ACBD6: variants seen among roughly 807,000 people sequenced by gnomAD.
ACBD6 encodes the protein acyl-CoA binding domain containing 6.
A neutral mutation model predicts 37.2 loss-of-function variants in ACBD6; 28 were observed. That is an observed-to-expected ratio of 0.75 (90% confidence interval 0.56 to 1.03). ACBD6 has a LOEUF of 1.03. Among genes scored for constraint, ACBD6 ranks in the 50% least tolerant of loss-of-function variants. The probability of loss-of-function intolerance (pLI) is 0.00; values close to 1 mark genes in which losing one functional copy is unlikely to be tolerated. For missense variants in ACBD6, 340 were observed against 337.4 expected (o/e 1.01, Z -0.06); for synonymous variants, 113 against 126.8 (o/e 0.89, Z 0.73).
intron 5 of ACBD6, among the ~76,000 whole-genome samples, chr1:180,412,606 C>T (rs1036082428): frequency 2.0e-5 from 3 of 152,102 alleles, no homozygotes; most frequent in African/African-American, 7.2e-5. Context: ...TGGCTCATGC[C>T]TATAATCCCA....
At chr1:180,387,454 G>C (rs1023690168) in intron 6 of ACBD6, among the ~76,000 whole-genome samples, 4 of 152,196 alleles carry the variant, frequency 2.6e-5, no homozygotes, top group Admixed American at 6.5e-5. Context: ...ACGACAGAAG[G>C]GGAGTATCAT....
intron 3 of ACBD6, among the ~76,000 whole-genome samples, chr1:180,487,234 C>T (rs974754615): frequency 1.3e-5 from 2 of 152,090 alleles, no homozygotes; most frequent in Admixed American, 6.6e-5. Context: ...TGATTTTGAT[C>T]ATTATAGTAT....
chr1:180,283,919 T>C (rs1464048148), downstream of ACBD6, among the ~76,000 whole-genome samples: 2 of 151,814 alleles, frequency 1.3e-5, no homozygotes, highest in African/African-American at 4.9e-5. Context: ...CATTCCAAAA[T>C]TAAAAAAAAC....
chr1:180,397,467 G>A (rs768456128), intron 6 of ACBD6, 49 bp downstream of exon 6: 13 of 1,497,450 alleles, frequency 8.7e-6, no homozygotes, highest in South Asian at 2.3e-5. Context: ...TATGTTATGC[G>A]AATTATACTT....
chr1:180,344,232 A>G (rs1016063027), intron 6 of ACBD6, among the ~76,000 whole-genome samples: 3 of 152,224 alleles, frequency 2.0e-5, no homozygotes, highest in African/African-American at 7.2e-5. Flanking sequence ...TAGCAACAGT[A>G]GCAGGCAGCA....
intron 3 of ACBD6, among the ~76,000 whole-genome samples, chr1:180,456,209 T>G (rs1649917328): frequency 8.1e-6 from 1 of 123,418 alleles, no homozygotes; most frequent in East Asian, 2.3e-4. Flanking sequence ...GAGACACCAT[T>G]TCAAAAAAAA....
At position 180,479,030 on chromosome 1, in the gene ACBD6, C is replaced by T. The variant is rs966986866; in HGVS notation, c.384+13239G>A. Among the ~76,000 whole-genome samples, 11 of 152,166 alleles carry T rather than the reference C, an allele frequency of 7.2e-5. No homozygotes were observed. The South Asian group carries it at 1.2e-3, about 17-fold the overall frequency. ...CACCTGTAGTCCCAGCTACTCAGGA[C>T]GCCAAGGTGGGAAGATCACTTGAGC... On this transcript the variant is annotated intron_variant, in intron 3 of 7. Coordinates refer to ENST00000367595, the MANE Select transcript of ACBD6 (RefSeq NM_032360.4).
At chr1:180,386,005 A>G (rs1653833946) in intron 6 of ACBD6, among the ~76,000 whole-genome samples, 1 of 152,148 alleles carries the variant, frequency 6.6e-6, no homozygotes, top group African/African-American at 2.4e-5. Context: ...CCCTGTCTCT[A>G]CTAAAAATAC....
chr1:180,488,455 T>C (rs1223223219), intron 3 of ACBD6, among the ~76,000 whole-genome samples: 1 of 152,218 alleles, frequency 6.6e-6, no homozygotes, highest in African/African-American at 2.4e-5. Context: ...ATACATACAC[T>C]TAAGTTTATA....
chr1:180,309,411 A>T lies in ACBD6; in HGVS notation c.694+5281T>A, dbSNP rs555387072. On this transcript the variant is annotated intron_variant, in intron 7 of 7. Coordinates refer to ENST00000367595, the MANE Select transcript of ACBD6 (RefSeq NM_032360.4). ...ATTCACTCCTAATGGTTAACTAGGG[A>T]TGACAGAGTGACTCATCTAAATTCT... Among the ~76,000 whole-genome samples, 4 of 152,336 alleles carry T rather than the reference A, an allele frequency of 2.6e-5. No homozygotes were observed. The South Asian group carries it at 8.3e-4, about 32-fold the overall frequency.
chr1:180,344,709 A>G (rs1199994467), intron 6 of ACBD6, among the ~76,000 whole-genome samples: 1 of 152,214 alleles, frequency 6.6e-6, no homozygotes, highest in African/African-American at 2.4e-5. Context: ...CATTTTCAAA[A>G]TGAGTAAAAT....
chr1:180,352,569 G>A (rs2101894530), intron 6 of ACBD6, among the ~76,000 whole-genome samples: 1 of 152,090 alleles, frequency 6.6e-6, no homozygotes, highest in East Asian at 1.9e-4. Context: ...CTACTGAGAG[G>A]GGGCCTTAAA....
chr1:180,326,693 C>T (rs957853806), intron 6 of ACBD6: 2 of 152,222 alleles, frequency 1.3e-5, no homozygotes, highest in African/African-American at 4.8e-5. Flanking sequence ...CAGAGTATCA[C>T]CCAAGGCCCA....
At chr1:180,344,166 A>C (rs1003986749) in intron 6 of ACBD6, among the ~76,000 whole-genome samples, 1 of 152,212 alleles carries the variant, frequency 6.6e-6, no homozygotes, top group African/African-American at 2.4e-5. Flanking sequence ...CAAAGAATAA[A>C]GAGCATAAAT....
chr1:180,389,104 T>C (rs985119478), intron 6 of ACBD6, among the ~76,000 whole-genome samples: 6 of 152,310 alleles, frequency 3.9e-5, no homozygotes, highest in Admixed American at 6.5e-5. Context: ...GCTGCACCCA[T>C]TGACTCGTCA....
At chr1:180,292,464 G>C (rs980187628) in intron 7 of ACBD6, among the ~76,000 whole-genome samples, 2 of 152,064 alleles carry the variant, frequency 1.3e-5, no homozygotes, top group African/African-American at 4.8e-5. Flanking sequence ...TTTACTGTAA[G>C]CATAAAGAAA....
At chr1:180,270,957 G>C in exon 14 of ACBD6, 1 of 310,102 alleles carries the variant, frequency 3.2e-6, no homozygotes, top group South Asian at 2.8e-5. Context: ...TGATGAGACA[G>C]AGGGGAGGGC....
At chr1:180,345,100 C>T (rs529196571) in intron 6 of ACBD6, among the ~76,000 whole-genome samples, 15 of 152,090 alleles carry the variant, frequency 9.9e-5, no homozygotes, top group East Asian at 9.7e-4. Flanking sequence ...ATTAATTTAC[C>T]GAGCTGGTCT....
At position 180,316,328 on chromosome 1, in the gene ACBD6, G is replaced by A. The variant is rs899304292; in HGVS notation, c.664-1606C>T. 3.4e-5 allele frequency among the ~76,000 whole-genome samples: 5 copies of A among 148,674 alleles called. No homozygotes were observed. In the South Asian group the frequency reaches 6.4e-4, roughly 19 times the overall value. ...TCAATGAAAGTGTGTGTGTGTGTGC[G>A]TGAGTGCGCACACACACACACACAC... On this transcript the variant is annotated intron_variant, in intron 6 of 7. Transcript: ENST00000367595.
Sources: gnomAD v4.1 joint callset for allele counts (sites outside exome capture counted in the v4.1 genomes callset) on GRCh38, gnomAD v4.1.1 for gene constraint, MANE v1.5 for transcripts, NCBI Gene and HGNC (gene_info 2026-07-23, HGNC 2026-07-21) for gene names.